The following TTLL11 variants were observed in gnomAD, a reference collection of about 807,000 sequenced individuals.
TTLL11 encodes tubulin tyrosine ligase like 11.
In TTLL11, 42 loss-of-function variants were observed where a neutral mutation model predicts 51.7. The observed-to-expected ratio is 0.81, with a 90% CI of 0.64 to 1.05. The LOEUF (loss-of-function observed/expected upper bound fraction) is 1.05. Ranked by LOEUF, TTLL11 falls within the 50% of genes least tolerant of loss-of-function variation. The pLI is 0.00. For synonymous variants in TTLL11, 381 were observed against 383.5 expected (o/e 0.99, Z 0.08); for missense variants, 799 against 940.4 (o/e 0.85, Z 1.97).
At chr9:121,834,804 G>A (rs1318917372) in intron 8 of TTLL11, among the ~76,000 whole-genome samples, 1 of 151,212 alleles carries the variant, frequency 6.6e-6, no homozygotes, top group African/African-American at 2.4e-5. Context: ...TCCAGCCTGG[G>A]CGACAGAGTG....
At chr9:121,931,583 T>TAAAAAAAAAAAAAAA (rs1564311677) in intron 6 of TTLL11, among the ~76,000 whole-genome samples, 28 of 103,760 alleles carry the variant, frequency 2.7e-4, no homozygotes, top group Non-Finnish European at 4.0e-4. Context: ...TTTCTACTAT[T>TAAAAAAAAAAAAAAA]TAAAAAAAAA....
intron 4 of TTLL11, among the ~76,000 whole-genome samples, chr9:121,980,416 A>T (rs1156232449): frequency 6.6e-6 from 1 of 152,224 alleles, no homozygotes; most frequent in African/African-American, 2.4e-5. Flanking sequence ...GCACTTTGTG[A>T]ACTGTAGGAA....
intron 4 of TTLL11, among the ~76,000 whole-genome samples, chr9:121,983,281 G>C (rs2131677811): frequency 1.3e-5 from 2 of 152,292 alleles, no homozygotes; most frequent in South Asian, 4.1e-4. Context: ...GTTTGGGAAG[G>C]AAGTCAAGAG....
intron 6 of TTLL11, among the ~76,000 whole-genome samples, chr9:121,950,459 T>G (rs1260963032): frequency 6.6e-6 from 1 of 152,176 alleles, no homozygotes; most frequent in Non-Finnish European, 1.5e-5. Flanking sequence ...TCATAGATTT[T>G]TTCAGGACTG....
intron 6 of TTLL11, among the ~76,000 whole-genome samples, chr9:121,934,592 T>C (rs944526270): frequency 7.9e-5 from 12 of 152,220 alleles, no homozygotes; most frequent in African/African-American, 1.4e-4. Flanking sequence ...TTCAGGAACA[T>C]GTCTACAAAT....
intron 1 of TTLL11, among the ~76,000 whole-genome samples, chr9:122,076,186 A>G (rs1845852610): frequency 6.6e-6 from 1 of 152,204 alleles, no homozygotes; most frequent in African/African-American, 2.4e-5. Flanking sequence ...CCTGAGGTTT[A>G]TAATAGCATC....
chr9:122,057,107 C>T (rs1027105764), intron 1 of TTLL11, among the ~76,000 whole-genome samples: 16 of 151,980 alleles, frequency 1.1e-4, no homozygotes, highest in African/African-American at 3.4e-4. Flanking sequence ...AGACAGTGGG[C>T]GCCAAGAACA....
At chr9:122,084,464 GAGAA>G (rs1846073692) in intron 1 of TTLL11, among the ~76,000 whole-genome samples, 2 of 152,156 alleles carry the variant, frequency 1.3e-5, no homozygotes, top group African/African-American at 2.4e-5. Flanking sequence ...TCCTGGAATA[GAGAA>G]ACCTAATCGT....
In TTLL11 at chr9:121,989,170, C is replaced by T. The variant is rs1172937450; in HGVS notation, c.1269+25G>A. ...TTGAGGCCGGTCAAGGCTGGAAACG[C>T]AGGCTGGGAACTGGCAATGGTTACC... On this transcript the variant is annotated intron_variant, in intron 4 of 8. Coordinates refer to ENST00000321582, the MANE Select transcript of TTLL11 (RefSeq NM_001139442.2). This position sits in a 1 kb window ranked among gnomAD's most constrained non-coding sequence, Gnocchi z 4.2. The T allele has an allele frequency of 6.2e-7, 1 of 1,609,764 alleles. No individual in the cohort carries two copies. Among genetic ancestry groups the T allele is most frequent in the South Asian group, 1.1e-5 (1 of 90,290 alleles).
intron 4 of TTLL11, among the ~76,000 whole-genome samples, chr9:121,984,761 A>G (rs1396817018): frequency 6.6e-6 from 1 of 152,264 alleles, no homozygotes; most frequent in Non-Finnish European, 1.5e-5. Context: ...ACAGGGAGCT[A>G]GAAGAAGATA....
intron 2 of TTLL11, among the ~76,000 whole-genome samples, chr9:122,035,257 A>C (rs1005779676): frequency 5.3e-5 from 8 of 152,088 alleles, no homozygotes; most frequent in Admixed American, 3.9e-4. Flanking sequence ...TTGACTGCCC[A>C]CCTAGGTTTC....
chr9:122,027,038 AC>A (rs1844367548), intron 3 of TTLL11, among the ~76,000 whole-genome samples: 1 of 152,200 alleles, frequency 6.6e-6, no homozygotes, highest in Non-Finnish European at 1.5e-5. Context: ...CACAGGCTGT[AC>A]AGGAAGCATG....
intron 3 of TTLL11, among the ~76,000 whole-genome samples, chr9:121,996,510 GCACATGCACA>G (rs1843271586): frequency 6.6e-6 from 1 of 152,128 alleles, no homozygotes; most frequent in African/African-American, 2.4e-5. Flanking sequence ...ACACATGCGA[GCACATGCACA>G]CACATGCACA....
intron 2 of TTLL11, among the ~76,000 whole-genome samples, chr9:122,033,962 A>C (rs945360582): frequency 6.6e-6 from 1 of 152,246 alleles, no homozygotes; most frequent in Non-Finnish European, 1.5e-5. Flanking sequence ...TTGTTGCATA[A>C]TAAACACTAG....
chr9:121,816,795 A>G lies in TTLL11; in HGVS notation c.*5792T>C, dbSNP rs187792684. ...ATCAAGACTTTTGGCTACTAGAGAT[A>G]AAGGTAAATGAAGACGTGGCCTATT... On this transcript the variant is annotated 3_prime_UTR_variant, in exon 9 of 9. Coordinates refer to ENST00000321582, the MANE Select transcript of TTLL11 (RefSeq NM_001139442.2). 6.6e-6 allele frequency: 1 copy of G among 152,296 alleles called. No individual in the cohort carries two copies. Among genetic ancestry groups the G allele is most frequent in the East Asian group, 1.9e-4 (1 of 5,172 alleles). The allele number at this position is 152,296 out of a possible 1,614,324, so 9.4% of individuals were successfully genotyped here.
At chr9:121,882,223 G>A (rs553747794) in intron 6 of TTLL11, among the ~76,000 whole-genome samples, 67 of 152,226 alleles carry the variant, frequency 4.4e-4, no homozygotes, top group Non-Finnish European at 7.4e-4. Flanking sequence ...TAAGACCCTA[G>A]GCTTCCAGGG....
At chr9:122,006,257 C>T (rs1212458024) in intron 3 of TTLL11, among the ~76,000 whole-genome samples, 1 of 151,798 alleles carries the variant, frequency 6.6e-6, no homozygotes, top group Middle Eastern at 3.2e-3. Context: ...AGAAGAATTG[C>T]TTGATCCCAG....
intron 6 of TTLL11, among the ~76,000 whole-genome samples, chr9:121,881,312 A>G (rs114449575): frequency 0.015 from 2,253 of 151,532 alleles, 56 homozygotes; most frequent in African/African-American, 0.05. Context: ...CATGTGTAAA[A>G]GTTATTCTTT....
At chr9:121,837,562 T>G (rs1409861954) in intron 8 of TTLL11, among the ~76,000 whole-genome samples, 1 of 152,072 alleles carries the variant, frequency 6.6e-6, no homozygotes, top group Non-Finnish European at 1.5e-5. Flanking sequence ...CTACAGTCGG[T>G]CCTGATTAAT....
Sources: gnomAD v4.1 joint callset for allele counts (sites outside exome capture counted in the v4.1 genomes callset) on GRCh38, gnomAD v4.1.1 for gene constraint, Gnocchi (gnomAD v3.1) non-coding constraint, MANE v1.5 for transcripts, NCBI Gene and HGNC (gene_info 2026-07-23, HGNC 2026-07-21) for gene names.